DDAH1: variants seen among roughly 807,000 people sequenced by gnomAD.
The protein encoded by DDAH1 is N(G),N(G)-dimethylarginine dimethylaminohydrolase 1.
In DDAH1, 19 loss-of-function variants were observed where a neutral mutation model predicts 28.8. The observed-to-expected ratio is 0.66, with a 90% CI of 0.46 to 0.97. DDAH1 has a LOEUF of 0.97. Ranked by LOEUF, DDAH1 falls within the 50% of genes least tolerant of loss-of-function variation. DDAH1 has a pLI of 0.00. For missense variants in DDAH1, 326 were observed against 375.9 expected (o/e 0.87, Z 1.10); for synonymous variants, 153 against 154.4 (o/e 0.99, Z 0.07).
chr1:85,448,351 A>G (rs550947786), intron 1 of DDAH1, among the ~76,000 whole-genome samples: 1 of 152,300 alleles, frequency 6.6e-6, no homozygotes, highest in Non-Finnish European at 1.5e-5. Context: ...AATTCTCTCA[A>G]TCATCTCTGC....
At position 85,566,081 on chromosome 1, in the gene DDAH1, C is replaced by CAA. The variant is rs35607554; in HGVS notation, c.-123+11901_-123+11902dup. Among the ~76,000 whole-genome samples, 220 of 142,912 alleles carry CAA rather than the reference C, an allele frequency of 1.5e-3. 2 individuals are homozygous for CAA. Among genetic ancestry groups the CAA allele is most frequent in the Middle Eastern group, 7.2e-3 (2 of 276 alleles). 93.8% of individuals were successfully genotyped at this position (142,912 alleles called of 152,430 possible). A position where few individuals can be genotyped will look rare whatever the true frequency, so the allele number is the denominator to read the frequency against. On this transcript the variant is annotated intron_variant, in intron 1 of 6. Transcript: ENST00000426972. ...GGGCAACAAGAGCAAAACTCTGTCT[C>CAA]AAAAAAAAAAACAACCAAAAAACAA...
upstream of DDAH1, among the ~76,000 whole-genome samples, chr1:85,468,645 G>A (rs1323205396): frequency 6.6e-6 from 1 of 151,828 alleles, no homozygotes; most frequent in Non-Finnish European, 1.5e-5. Flanking sequence ...TCAGCCTCCT[G>A]AGTAGCTGGG....
At chr1:85,513,684 T>C (rs1399875512) in intron 1 of DDAH1, among the ~76,000 whole-genome samples, 1 of 152,024 alleles carries the variant, frequency 6.6e-6, no homozygotes, top group African/African-American at 2.4e-5. Flanking sequence ...TATCAAAAAG[T>C]GGGCAAAGGA....
chr1:85,489,554 G>A (rs1570602288), intron 2 of DDAH1, among the ~76,000 whole-genome samples: 1 of 152,068 alleles, frequency 6.6e-6, no homozygotes, highest in East Asian at 1.9e-4. Context: ...AATTAACAGA[G>A]GTTGAAGAAA....
chr1:85,511,213 A>G (rs921735059), intron 1 of DDAH1, among the ~76,000 whole-genome samples: 3 of 152,218 alleles, frequency 2.0e-5, no homozygotes, highest in African/African-American at 7.2e-5. Context: ...AAACTGCACA[A>G]CTACCTGGAA....
chr1:85,513,748 A>C (rs183486604), intron 1 of DDAH1, among the ~76,000 whole-genome samples: 26 of 152,394 alleles, frequency 1.7e-4, no homozygotes, highest in African/African-American at 5.8e-4. Context: ...AGACACATGA[A>C]AAAATGCTCA....
intron 1 of DDAH1, among the ~76,000 whole-genome samples, chr1:85,414,362 G>A (rs1390262390): frequency 6.6e-6 from 1 of 152,174 alleles, no homozygotes; most frequent in African/African-American, 2.4e-5. Context: ...CCAAATGGAA[G>A]TAAGGTCTTA....
At chr1:85,346,649 C>A (rs1163868691) in intron 4 of DDAH1, among the ~76,000 whole-genome samples, 1 of 152,096 alleles carries the variant, frequency 6.6e-6, no homozygotes, top group African/African-American at 2.4e-5. Flanking sequence ...AAGCCAATAC[C>A]ACTTTTATCA....
intron 1 of DDAH1, among the ~76,000 whole-genome samples, chr1:85,542,999 G>A (rs535546621): frequency 6.6e-6 from 1 of 152,256 alleles, no homozygotes; most frequent in South Asian, 2.1e-4. Flanking sequence ...AGATCACATA[G>A]CCAGAAAGTG....
intron 1 of DDAH1, among the ~76,000 whole-genome samples, chr1:85,361,922 C>G (rs932492309): frequency 6.6e-6 from 1 of 152,120 alleles, no homozygotes. Flanking sequence ...TAAATACATA[C>G]AAGTCACACA....
intron 2 of DDAH1, among the ~76,000 whole-genome samples, chr1:85,474,462 T>C (rs948793586): frequency 3.5e-4 from 53 of 152,174 alleles, no homozygotes; most frequent in African/African-American, 1.2e-3. Context: ...CTTGGGCTTC[T>C]GTGCATGGTT....
intron 1 of DDAH1, among the ~76,000 whole-genome samples, chr1:85,569,101 C>A (rs972808898): frequency 6.6e-6 from 1 of 152,150 alleles, no homozygotes; most frequent in South Asian, 2.1e-4. Context: ...ACACCTGATG[C>A]GATTGCCTGA....
chr1:85,379,832 CT>C, intron 1 of DDAH1: 1 of 419,686 alleles, frequency 2.4e-6, no homozygotes, highest in Non-Finnish European at 3.2e-6. Context: ...GTTCCTCACT[CT>C]TTTCCACGTT....
intron 1 of DDAH1, among the ~76,000 whole-genome samples, chr1:85,378,314 A>C (rs894099809): frequency 6.6e-6 from 1 of 152,210 alleles, no homozygotes; most frequent in Non-Finnish European, 1.5e-5. Flanking sequence ...AATCTCTAGT[A>C]ATGTAATGGA....
chr1:85,337,552 C>T (rs1203830662), intron 4 of DDAH1, among the ~76,000 whole-genome samples: 1 of 151,624 alleles, frequency 6.6e-6, no homozygotes, highest in East Asian at 1.9e-4. Context: ...CTCCTGGGTT[C>T]AAGCAATTCT....
chr1:85,402,031 G>A (rs1652134885), intron 1 of DDAH1, among the ~76,000 whole-genome samples: 1 of 151,886 alleles, frequency 6.6e-6, no homozygotes, highest in Non-Finnish European at 1.5e-5. Context: ...TGTCACCCAG[G>A]CTAGAGTGCA....
intron 1 of DDAH1, among the ~76,000 whole-genome samples, chr1:85,550,473 C>T (rs1237777262): frequency 6.6e-6 from 1 of 152,106 alleles, no homozygotes; most frequent in Non-Finnish European, 1.5e-5. Context: ...GAGCTCCGTC[C>T]TTAAAGGATA....
intron 1 of DDAH1, among the ~76,000 whole-genome samples, chr1:85,359,351 A>C (rs1189837608): frequency 6.6e-6 from 1 of 152,094 alleles, no homozygotes; most frequent in African/African-American, 2.4e-5. Flanking sequence ...GAGTAAAGGA[A>C]GGTGGGAGGC....
At chr1:85,347,421 G>A (rs1425707525) in intron 4 of DDAH1, among the ~76,000 whole-genome samples, 2 of 152,160 alleles carry the variant, frequency 1.3e-5, no homozygotes, top group African/African-American at 4.8e-5. Context: ...ATACACCATG[G>A]AATACTATGC....
Sources: gnomAD v4.1 joint callset for allele counts (sites outside exome capture counted in the v4.1 genomes callset) on GRCh38, gnomAD v4.1.1 for gene constraint, MANE v1.5 for transcripts, NCBI Gene and HGNC (gene_info 2026-07-23, HGNC 2026-07-21) for gene names.